Variants in POLQ observed in about 807,000 individuals in gnomAD.
POLQ encodes the protein DNA polymerase theta, also known as epididymis secretory sperm binding protein.
In POLQ, 233 loss-of-function variants were observed where a neutral mutation model predicts 259.2. That is an observed-to-expected ratio of 0.90 (90% CI 0.81 to 1.00). The LOEUF (loss-of-function observed/expected upper bound fraction) is 1.00. Ranked by LOEUF, POLQ falls within the 50% of genes least tolerant of loss-of-function variation. POLQ has a pLI of 0.00. For synonymous variants in POLQ, 1,025 were observed against 1,048.8 expected (o/e 0.98, Z 0.44); for missense variants, 2,871 against 3,051.6 (o/e 0.94, Z 1.39).
chr3:121,461,702 C>T (rs1576405419), intron 24 of POLQ, among the ~76,000 whole-genome samples: 1 of 149,050 alleles, frequency 6.7e-6, no homozygotes, highest in South Asian at 2.1e-4. Flanking sequence ...AAGCAAGGTA[C>T]ACAATAATGT....
In POLQ at chr3:121,431,848, A is replaced by G. The variant is rs2108770424; in HGVS notation, c.*456T>C. The G allele has an allele frequency of 6.4e-6, 1 of 155,062 alleles. No individual in the cohort carries two copies. The highest frequency in any genetic ancestry group is 2.1e-4 in the South Asian group (1 of 4,848). 9.6% of individuals were successfully genotyped at this position (155,062 alleles called of 1,614,324 possible). On this transcript the variant is annotated 3_prime_UTR_variant, in exon 30 of 30. Coordinates refer to ENST00000264233, the MANE Select transcript of POLQ (RefSeq NM_199420.4). ...ATTTCCGTACTGTAAAATTGATATT[A>G]GAGGAAAAAAAGTCACACACGATGC...
In POLQ at chr3:121,468,174, G is replaced by T. The variant is rs1455637668; in HGVS notation, c.6845+131C>A. 6 of 659,820 alleles carry T rather than the reference G, an allele frequency of 9.1e-6. No individual in the cohort carries two copies. The South Asian group carries it at 1.1e-4, about 13-fold the overall frequency. 40.9% of individuals were successfully genotyped at this position (659,820 alleles called of 1,614,324 possible). On this transcript the variant is annotated intron_variant, in intron 23 of 29. Transcript: ENST00000264233. ...ATAGATGGGACTCAGGATTCAAAACGGTCTAGGACAGAAATGGGTATGTCT... is the reference window on the plus strand; with the variant it reads ...ATAGATGGGACTCAGGATTCAAAACTGTCTAGGACAGAAATGGGTATGTCT...
intron 19 of POLQ, among the ~76,000 whole-genome samples, chr3:121,480,021 T>C (rs2047958259): frequency 6.6e-6 from 1 of 151,540 alleles, no homozygotes; most frequent in South Asian, 2.1e-4. Context: ...AAAAAGAGAA[T>C]ATAACAAATA....
intron 13 of POLQ, among the ~76,000 whole-genome samples, chr3:121,497,450 T>C (rs2048133972): frequency 6.6e-6 from 1 of 152,194 alleles, no homozygotes; most frequent in Admixed American, 6.5e-5. Flanking sequence ...TATTTCTTTT[T>C]TTTTGAGACG....
At chr3:121,492,024 C>G (rs1320973587) in intron 15 of POLQ, among the ~76,000 whole-genome samples, 1 of 152,082 alleles carries the variant, frequency 6.6e-6, no homozygotes, top group Non-Finnish European at 1.5e-5. Flanking sequence ...TCTCCACCAC[C>G]CCCCTACCCC....
chr3:121,536,082 A>G (rs1441746952), intron 5 of POLQ, among the ~76,000 whole-genome samples: 1 of 152,240 alleles, frequency 6.6e-6, no homozygotes, highest in African/African-American at 2.4e-5. Flanking sequence ...GCCATCAAAC[A>G]AAAAAGACAG....
At chr3:121,482,193 G>A (rs1180135484) in intron 18 of POLQ, among the ~76,000 whole-genome samples, 1 of 152,186 alleles carries the variant, frequency 6.6e-6, no homozygotes, top group Non-Finnish European at 1.5e-5. Context: ...GGGCCTGTGA[G>A]GTTTTAGGTA....
chr3:121,515,684 T>C (rs1183131615), intron 9 of POLQ, among the ~76,000 whole-genome samples: 2 of 152,196 alleles, frequency 1.3e-5, no homozygotes, highest in Non-Finnish European at 2.9e-5. Flanking sequence ...CAAGTGAAGT[T>C]CTATCCCTGC....
At chr3:121,440,533 G>C (rs138479044) in intron 26 of POLQ, among the ~76,000 whole-genome samples, 1 of 151,994 alleles carries the variant, frequency 6.6e-6, no homozygotes, top group Non-Finnish European at 1.5e-5. Flanking sequence ...ATGAGGTTTC[G>C]TAATGTGGCC....
At position 121,544,751 on chromosome 3, in the gene POLQ, C is replaced by G. The variant is rs1285310595; in HGVS notation, c.319G>C (p.Glu107Gln). ...CCTGAATAAACTAAATTCTTTCCTTCCAGGACTTGTCCAAGCAAAAGGCAC... is the reference window on the plus strand; with the variant it reads ...CCTGAATAAACTAAATTCTTTCCTTGCAGGACTTGTCCAAGCAAAAGGCAC... ...AECLLLGQVL[E>Q]GKNLVYSAPT... The change falls in exon 2 of 30, where the codon GAA (glutamate) becomes CAA (glutamine). Residue 107 changes from glutamate to glutamine, a missense_variant. Physicochemically the swap from Glu to Gln is conservative, Grantham distance 29. Coordinates refer to ENST00000264233, the MANE Select transcript of POLQ (RefSeq NM_199420.4). 1.9e-6 allele frequency: 3 copies of G among 1,611,706 alleles called. No homozygotes were observed. Among genetic ancestry groups the G allele is most frequent in the Non-Finnish European group, 2.5e-6 (3 of 1,178,226 alleles).
chr3:121,524,937 TACACACACACACACAC>T (rs33965431), intron 7 of POLQ, among the ~76,000 whole-genome samples: 1 of 148,636 alleles, frequency 6.7e-6, no homozygotes, highest in South Asian at 2.1e-4. Flanking sequence ...TGTGTATAAA[TACACACACACACACAC>T]ACACACACAC....
intron 22 of POLQ, among the ~76,000 whole-genome samples, 199 bp downstream of exon 22, chr3:121,471,791 A>G (rs562492146): frequency 6.6e-6 from 1 of 152,154 alleles, no homozygotes; most frequent in Non-Finnish European, 1.5e-5. Context: ...AAATAAAAAT[A>G]AAAGCAGGAA....
At position 121,541,499 on chromosome 3, in the gene POLQ, C is replaced by T; in HGVS notation, c.344-20G>A. ...TAGGAGCTAAAACATGATTATTCCA[C>T]AAGATTATAAGAAAAAAGTAATATT... On this transcript the variant is annotated intron_variant, in intron 2 of 29. Transcript: ENST00000264233. The T allele has an allele frequency of 1.3e-6, 2 of 1,576,298 alleles. No individual in the cohort carries two copies. The highest frequency in any genetic ancestry group is 1.7e-6 in the Non-Finnish European group (2 of 1,162,508).
chr3:121,432,435 G>A lies in POLQ; in HGVS notation c.7660-18C>T, dbSNP rs754038774. ...TGAGCTACCTAAGGAAAAAAAAAATGTAGTTAACAAACTGCCCAGTCAAAG... is the reference window on the plus strand; with the variant it reads ...TGAGCTACCTAAGGAAAAAAAAAATATAGTTAACAAACTGCCCAGTCAAAG... On this transcript the variant is annotated intron_variant, in intron 29 of 29. Coordinates refer to ENST00000264233, the MANE Select transcript of POLQ (RefSeq NM_199420.4). The A allele has an allele frequency of 2.5e-6, 4 of 1,596,678 alleles. No individual in the cohort carries two copies. In the South Asian group the frequency reaches 4.5e-5, roughly 18 times the overall value.
intron 24 of POLQ, 42 bp from the exon 25 acceptor site, chr3:121,460,276 T>C (rs780706821): frequency 7.0e-7 from 1 of 1,431,444 alleles, no homozygotes; most frequent in Non-Finnish European, 9.8e-7. Context: ...ACAAAGTTTC[T>C]ATATCACACA....
intron 12 of POLQ, among the ~76,000 whole-genome samples, chr3:121,500,176 G>A (rs2048155537): frequency 6.6e-6 from 1 of 151,992 alleles, no homozygotes; most frequent in Admixed American, 6.6e-5. Context: ...CAGCTACTTG[G>A]GAGGCTGAAG....
intron 7 of POLQ, among the ~76,000 whole-genome samples, chr3:121,522,898 GT>G (rs1460716154): frequency 2.6e-5 from 4 of 152,126 alleles, no homozygotes; most frequent in African/African-American, 9.7e-5. Context: ...GTATCAGAGG[GT>G]TTCACCAATC....
At chr3:121,432,588 C>T (rs535551306) in intron 29 of POLQ, among the ~76,000 whole-genome samples, 171 bp from the exon 30 acceptor site, 7 of 152,256 alleles carry the variant, frequency 4.6e-5, no homozygotes, top group African/African-American at 1.4e-4. Flanking sequence ...AAAAAGACAT[C>T]TCATACTCTT....
intron 2 of POLQ, 145 bp from the exon 3 acceptor site, chr3:121,541,624 C>A: frequency 1.6e-6 from 1 of 635,670 alleles, no homozygotes. Context: ...AATCTTTATA[C>A]CCTGAAATGC....
Sources: allele counts gnomAD v4.1 joint callset (sites outside exome capture counted in the v4.1 genomes callset), GRCh38; gene constraint gnomAD v4.1.1; transcripts MANE v1.5; gene names NCBI Gene and HGNC (gene_info 2026-07-23, HGNC 2026-07-21).